Variants in CCDC91 observed in about 807,000 individuals in gnomAD.
CCDC91 encodes coiled-coil domain containing 91.
A neutral mutation model predicts 63.2 loss-of-function variants in CCDC91; 48 were observed. That is an observed-to-expected ratio of 0.76 (90% CI 0.60 to 0.97). The LOEUF (loss-of-function observed/expected upper bound fraction) is 0.97. Ranked by LOEUF, CCDC91 falls within the 50% of genes least tolerant of loss-of-function variation. CCDC91 has a pLI of 0.00. For synonymous variants in CCDC91, 167 were observed against 165.8 expected (o/e 1.01, Z -0.06); for missense variants, 500 against 494.6 (o/e 1.01, Z -0.10).
intron 8 of CCDC91, among the ~76,000 whole-genome samples, chr12:28,422,633 ATTG>A (rs976330032): frequency 3.2e-4 from 49 of 152,208 alleles, no homozygotes; most frequent in African/African-American, 1.2e-3. Context: ...TAGCCATAAA[ATTG>A]TTTTTCTCTT....
intron 3 of CCDC91, among the ~76,000 whole-genome samples, chr12:28,304,402 G>GAAAA (rs57660180): frequency 1.0e-5 from 1 of 99,274 alleles, no homozygotes; most frequent in African/African-American, 4.1e-5. Flanking sequence ...AAAAAAAAAA[G>GAAAA]AAAAAAAAAA....
intron 8 of CCDC91, among the ~76,000 whole-genome samples, chr12:28,440,073 G>A (rs1949107517): frequency 6.6e-6 from 1 of 151,948 alleles, no homozygotes; most frequent in African/African-American, 2.4e-5. Flanking sequence ...TTTGGATGAG[G>A]TCTACTGGTA....
intron 12 of CCDC91, among the ~76,000 whole-genome samples, chr12:28,502,628 A>C (rs1036091582): frequency 6.0e-5 from 9 of 150,970 alleles, no homozygotes; most frequent in African/African-American, 2.2e-4. Context: ...TTGCCAAGTC[A>C]ATCCTAAGCC....
intron 11 of CCDC91, among the ~76,000 whole-genome samples, chr12:28,482,163 T>G (rs1008570181): frequency 6.6e-6 from 1 of 151,950 alleles, no homozygotes; most frequent in African/African-American, 2.4e-5. Context: ...ACATGTTATA[T>G]TTCAGAGAGC....
chr12:28,215,230 C>T (rs1230040123), intron 1 of CCDC91, among the ~76,000 whole-genome samples: 2 of 152,122 alleles, frequency 1.3e-5, no homozygotes, highest in Admixed American at 6.6e-5. Flanking sequence ...ATCAGCTTTC[C>T]TTGTTGTCAG....
intron 1 of CCDC91, among the ~76,000 whole-genome samples, chr12:28,210,340 TTTTA>T (rs1366030444): frequency 2.0e-5 from 3 of 152,204 alleles, no homozygotes; most frequent in East Asian, 1.9e-4. Context: ...GCATTACAGT[TTTTA>T]TTTTTCTTTC....
chr12:28,530,870 A>C (rs1400827240), intron 12 of CCDC91, among the ~76,000 whole-genome samples: 2 of 152,088 alleles, frequency 1.3e-5, no homozygotes, highest in Non-Finnish European at 2.9e-5. Context: ...CCCAAAAAGC[A>C]TATGTTGGGA....
At chr12:28,520,998 G>C (rs2141425911) in intron 12 of CCDC91, among the ~76,000 whole-genome samples, 1 of 152,250 alleles carries the variant, frequency 6.6e-6, no homozygotes, top group Admixed American at 6.5e-5. Context: ...TTTGAAGTCA[G>C]GTAGCATGAT....
chr12:28,355,705 T>C (rs182869341), intron 6 of CCDC91, among the ~76,000 whole-genome samples: 1 of 152,318 alleles, frequency 6.6e-6, no homozygotes, highest in East Asian at 1.9e-4. Context: ...TGAGGTCCTT[T>C]GCATACCTTC....
At chr12:28,368,898 CACTG>C (rs1944437753) in intron 7 of CCDC91, among the ~76,000 whole-genome samples, 2 of 152,036 alleles carry the variant, frequency 1.3e-5, no homozygotes, top group African/African-American at 2.4e-5. Context: ...TATGAGGACT[CACTG>C]ACTACCATAA....
In CCDC91 at chr12:28,482,724, G is replaced by A. The variant is rs79992004; in HGVS notation, c.1102-1328G>A. ...TTATAAGAAGAAATTTGTACAAAAT[G>A]TCAAAAGATACATTGAGTTTAAATC... On this transcript the variant is annotated intron_variant, in intron 11 of 12. Transcript: ENST00000536442. Among the ~76,000 whole-genome samples, 336 of 151,940 alleles carry A rather than the reference G, an allele frequency of 2.2e-3. 3 individuals are homozygous for A. Among genetic ancestry groups the A allele is most frequent in the African/African-American group, 7.7e-3 (318 of 41,504 alleles).
chr12:28,392,927 G>A (rs1198458709), intron 8 of CCDC91, among the ~76,000 whole-genome samples: 3 of 152,158 alleles, frequency 2.0e-5, no homozygotes, highest in African/African-American at 4.8e-5. Context: ...GACAAAGGTA[G>A]GGTATTTACT....
At chr12:28,274,374 G>A (rs1948031602) in intron 3 of CCDC91, among the ~76,000 whole-genome samples, 1 of 152,130 alleles carries the variant, frequency 6.6e-6, no homozygotes, top group South Asian at 2.1e-4. Flanking sequence ...CCAGTTCTGT[G>A]AAGAAAGTCA....
At chr12:28,389,487 A>G (rs1437902433) in intron 7 of CCDC91, among the ~76,000 whole-genome samples, 5 of 152,040 alleles carry the variant, frequency 3.3e-5, no homozygotes, top group African/African-American at 1.2e-4. Flanking sequence ...CCTCCTTGAC[A>G]TTTCAAGGAG....
chr12:28,454,462 G>A (rs1949966262), intron 11 of CCDC91, among the ~76,000 whole-genome samples: 1 of 152,038 alleles, frequency 6.6e-6, no homozygotes, highest in South Asian at 2.1e-4. Context: ...TCTCCCAGGA[G>A]CCCCTGGAAA....
At chr12:28,411,727 C>T (rs1433598021) in intron 8 of CCDC91, among the ~76,000 whole-genome samples, 1 of 152,132 alleles carries the variant, frequency 6.6e-6, no homozygotes, top group East Asian at 1.9e-4. Flanking sequence ...TTTCCTATCA[C>T]CTAGTGACAT....
At chr12:28,238,516 C>G (rs1305071247) in intron 1 of CCDC91, among the ~76,000 whole-genome samples, 1 of 152,020 alleles carries the variant, frequency 6.6e-6, no homozygotes, top group Admixed American at 6.6e-5. Context: ...CTGATAATAT[C>G]TATTAAAATT....
chr12:28,304,375 TAAAAAAAAAAAAAAAAAAAAAAAAAAGA>T (rs1239350603), intron 3 of CCDC91, among the ~76,000 whole-genome samples: 1 of 73,596 alleles, frequency 1.4e-5, no homozygotes, highest in African/African-American at 5.9e-5. Context: ...AGACTCCGTC[TAAAAAAAAAAAAAAAAAAAAAAAAAAGA>T]AAAAAAAAAA....
At chr12:28,491,160 G>A (rs1404617670) in intron 12 of CCDC91, among the ~76,000 whole-genome samples, 1 of 151,520 alleles carries the variant, frequency 6.6e-6, no homozygotes, top group African/African-American at 2.4e-5. Context: ...GAGGCATCTA[G>A]TATATGAAAA....
Sources: gnomAD v4.1 joint callset for allele counts (sites outside exome capture counted in the v4.1 genomes callset) on GRCh38, gnomAD v4.1.1 for gene constraint, MANE v1.5 for transcripts, NCBI Gene and HGNC (gene_info 2026-07-23, HGNC 2026-07-21) for gene names.